INTS1: variants seen among roughly 807,000 people sequenced by gnomAD.
The protein encoded by INTS1 is integrator complex subunit 1.
In INTS1, 137 loss-of-function variants were observed where a neutral mutation model predicts 241.6. The ratio of observed to expected loss-of-function variants is 0.57; its 90% confidence interval spans 0.49 to 0.65. The LOEUF is 0.65. INTS1 is among the 30% of genes least tolerant of loss of function. The probability of loss-of-function intolerance (pLI) is 0.00; values close to 1 mark genes in which losing one functional copy is unlikely to be tolerated. For synonymous variants in INTS1, 1,692 were observed against 1,337.8 expected (o/e 1.26, Z -5.78); for missense variants, 3,073 against 3,032.2 (o/e 1.01, Z -0.32).
At chr7:1,488,773 G>A (rs1782403256) in intron 18 of INTS1, among the ~76,000 whole-genome samples, 1 of 152,200 alleles carries the variant, frequency 6.6e-6, no homozygotes, top group Admixed American at 6.5e-5. Context: ...GAGCTCATCG[G>A]CCCTCGCCCA....
At chr7:1,488,593 A>G (rs1036632191) in intron 18 of INTS1, among the ~76,000 whole-genome samples, 2 of 151,990 alleles carry the variant, frequency 1.3e-5, no homozygotes, top group African/African-American at 4.8e-5. Context: ...TCACAGTGCA[A>G]CGGCCCCAAA....
Position 1,484,161 on chromosome 7 carries a change from G to C in INTS1, c.3271C>G (p.Arg1091Gly). Residue 1091 changes from arginine (R) to glycine (G), a missense_variant, in exon 25 of 48, where the codon CGG (arginine) becomes GGG (glycine). Transcript: ENST00000404767. Reference protein sequence around the residue: ...QHSDLALDVARLVVERSTIMS... With the variant: ...QHSDLALDVAGLVVERSTIMS... ...ATGGTGGAGCGCTCCACGACCAGCC[G>C]GGCCACGTCCTGGTGTGTGGACAGG... 1 of 1,610,090 alleles carries C rather than the reference G, an allele frequency of 6.2e-7. No individual in the cohort carries two copies. Among genetic ancestry groups the C allele is most frequent in the Non-Finnish European group, 8.5e-7 (1 of 1,179,012 alleles).
intron 42 of INTS1, 116 bp downstream of exon 42, chr7:1,473,450 C>A (rs1325903562): frequency 9.8e-6 from 13 of 1,319,902 alleles, no homozygotes; most frequent in Non-Finnish European, 1.3e-5. Flanking sequence ...CAGCAGCCCT[C>A]CCCGGCCTCA....
chr7:1,500,314 G>A lies in INTS1; in HGVS notation c.402C>T (p.Asn134=), dbSNP rs925067617. Residue 134 remains asparagine (N), a synonymous_variant, in exon 4 of 48, where the codon AAC becomes AAT. Transcript: ENST00000404767. Reference sequence around the variant, plus strand: ...ACAGCACGCCCTCGATCCTGTCATCGTTGCCCTCCAGCTCGGCCGCCTCGA... The same window carrying A: ...ACAGCACGCCCTCGATCCTGTCATCATTGCCCTCCAGCTCGGCCGCCTCGA... ...DEIEAAELEG[N]DDRIEGVLCG... is the part of the protein sequence containing the mutation. 7 of 1,592,928 alleles carry A rather than the reference G, an allele frequency of 4.4e-6. No homozygotes were observed. Among genetic ancestry groups the A allele is most frequent in the South Asian group, 1.1e-5 (1 of 88,704 alleles).
intron 31 of INTS1, 91 bp from the exon 32 acceptor site, chr7:1,478,976 G>A: frequency 1.4e-6 from 2 of 1,395,072 alleles, no homozygotes; most frequent in Non-Finnish European, 1.9e-6. Context: ...TGAGGCTGCT[G>A]AGACCTGCCG....
chr7:1,496,456 G>A (rs912659822), intron 11 of INTS1, among the ~76,000 whole-genome samples, 192 bp from the exon 12 acceptor site: 1 of 150,504 alleles, frequency 6.6e-6, no homozygotes, highest in Non-Finnish European at 1.5e-5. Context: ...CCACGTGGGC[G>A]CGGCACGGGG....
intron 22 of INTS1, among the ~76,000 whole-genome samples, chr7:1,485,686 T>C (rs559653223): frequency 3.3e-5 from 5 of 152,292 alleles, no homozygotes; most frequent in South Asian, 4.1e-4. Context: ...GACCCTCCCG[T>C]CACCAGCAAG....
At chr7:1,478,950 C>A in intron 31 of INTS1, 65 bp from the exon 32 acceptor site, 2 of 1,519,984 alleles carry the variant, frequency 1.3e-6, no homozygotes, top group Non-Finnish European at 1.8e-6. Context: ...GCACCCGAGG[C>A]CCAGAGCAGG....
At position 1,504,186 on chromosome 7, in the gene INTS1, G is replaced by T. The variant is rs1342124618; in HGVS notation, c.-42+137C>A. The stretch of plus-strand genomic sequence containing the variant: ...CCAGCCGCCCGGGAGCGGCTCAGTC[G>T]GGCGGCAGCAGGCGACGCGGACGCC... On this transcript the variant is annotated intron_variant, in intron 1 of 47. Coordinates refer to ENST00000404767, the MANE Select transcript of INTS1 (RefSeq NM_001080453.3). The T allele has an allele frequency of 5.6e-6, 3 of 536,966 alleles. No individual in the cohort carries two copies. The Admixed American group carries it at 1.2e-4, about 22-fold the overall frequency. 33.3% of individuals were successfully genotyped at this position (536,966 alleles called of 1,614,324 possible).
In INTS1 at chr7:1,481,535, C is replaced by T. The variant is rs1478827704; in HGVS notation, c.3704-47G>A. The T allele has an allele frequency of 5.1e-6, 8 of 1,556,322 alleles. No individual in the cohort carries two copies. The highest frequency in any genetic ancestry group is 2.7e-5 in the African/African-American group (2 of 74,112). ...AACGCCACCCAAAACCCGGGCAATG[C>T]GCACTCGGGACCCCACCCGAGACCT... On this transcript the variant is annotated intron_variant, in intron 27 of 47. Coordinates refer to ENST00000404767, the MANE Select transcript of INTS1 (RefSeq NM_001080453.3). This position sits in a 1 kb window ranked among gnomAD's most constrained non-coding sequence, Gnocchi z 6.8.
rs1199124081 is a variant in INTS1, at chr7:1,500,084, G to A, written c.547-63C>T. The A allele has an allele frequency of 1.9e-6, 3 of 1,596,566 alleles. No homozygotes were observed. In the East Asian group the frequency reaches 6.7e-5, roughly 36 times the overall value. Reference sequence around the variant, plus strand: ...GGCCCCAGAGGCAAAGCTGGGGTGGGCCGGGAGGGACACTTAAGGGGGAGG... The same window carrying A: ...GGCCCCAGAGGCAAAGCTGGGGTGGACCGGGAGGGACACTTAAGGGGGAGG... On this transcript the variant is annotated intron_variant, in intron 4 of 47. Coordinates refer to ENST00000404767, the MANE Select transcript of INTS1 (RefSeq NM_001080453.3).
Position 1,501,626 on chromosome 7 carries a change from G to C in INTS1, c.350-1260C>G, listed in dbSNP as rs371393155. On this transcript the variant is annotated intron_variant, in intron 3 of 47. Transcript: ENST00000404767. ...TAGTGCTAAAGATAAATAAAGCACC[G>C]AGCCGCCGGCGGCCGAGAGCCCGGG... is the stretch of plus-strand genomic sequence containing the variant. 4.2e-4 allele frequency among the ~76,000 whole-genome samples: 64 copies of C among 152,170 alleles called. No individual in the cohort carries two copies. In the South Asian group the frequency reaches 0.012, roughly 28 times the overall value.
At position 1,497,887 on chromosome 7, in the gene INTS1, G is replaced by C. The variant is rs1782939030; in HGVS notation, c.1425+525C>G. On this transcript the variant is annotated intron_variant, in intron 10 of 47. Transcript: ENST00000404767. The surrounding 1 kb of genome is among the most constrained non-coding windows in gnomAD (Gnocchi z 5.3). ...AGGGTCCTACAGCCAGGGCTACAGGGACCCCTGCTTAACCGAGGGACCCAA... is the reference window on the plus strand; with the variant it reads ...AGGGTCCTACAGCCAGGGCTACAGGCACCCCTGCTTAACCGAGGGACCCAA... 6.6e-6 allele frequency among the ~76,000 whole-genome samples: 1 copy of C among 152,198 alleles called. No individual in the cohort carries two copies. The highest frequency in any genetic ancestry group is 1.5e-5 in the Non-Finnish European group (1 of 68,034).
rs763141432 is a variant in INTS1, at chr7:1,494,799, G to A, written c.1910+17C>T. 27 of 1,553,986 alleles carry A rather than the reference G, an allele frequency of 1.7e-5. No homozygotes were observed. In the South Asian group the frequency reaches 2.7e-4, roughly 16 times the overall value. On this transcript the variant is annotated intron_variant, in intron 14 of 47. Coordinates refer to ENST00000404767, the MANE Select transcript of INTS1 (RefSeq NM_001080453.3). ...CCCAGCCCGGCACACAGGAGCCCCA[G>A]GCGGCAGCGCACTCACTTGCGGTCA...
At chr7:1,490,247 G>A (rs1782481694) in intron 16 of INTS1, among the ~76,000 whole-genome samples, 2 of 152,222 alleles carry the variant, frequency 1.3e-5, no homozygotes, top group African/African-American at 2.4e-5. Context: ...TGCAGTGCGG[G>A]ATTCCGAAGT....
In INTS1 at chr7:1,481,510, A is replaced by C; in HGVS notation, c.3704-22T>G. 6.3e-7 allele frequency: 1 copy of C among 1,588,120 alleles called. No individual in the cohort carries two copies. The highest frequency in any genetic ancestry group is 1.3e-5 in the African/African-American group (1 of 74,560). ...AGGGCTGAGGGTGCACGCGCTCCGT[A>C]ACGCCACCCAAAACCCGGGCAATGC... On this transcript the variant is annotated intron_variant, in intron 27 of 47. Coordinates refer to ENST00000404767, the MANE Select transcript of INTS1 (RefSeq NM_001080453.3). This position sits in a 1 kb window ranked among gnomAD's most constrained non-coding sequence, Gnocchi z 6.8.
At chr7:1,494,269 T>C (rs1466764175) in intron 14 of INTS1, among the ~76,000 whole-genome samples, 2 of 152,146 alleles carry the variant, frequency 1.3e-5, no homozygotes, top group Non-Finnish European at 2.9e-5. Flanking sequence ...AGATAACCCC[T>C]ACACCTCCAA....
rs373234485 is a variant in INTS1, at chr7:1,492,979, G to A, written c.2165+31C>T. On this transcript the variant is annotated intron_variant, in intron 16 of 47. Transcript: ENST00000404767. ...GGGGAGCGGGGCGCGGGCTTACCCG[G>A]GCGGGAGTGGGGAGCGGGGCGTGGG... The A allele has an allele frequency of 2.9e-5, 46 of 1,559,982 alleles. No individual in the cohort carries two copies. The African/African-American group carries it at 5.6e-4, about 19-fold the overall frequency.
chr7:1,501,681 A>G (rs988331513), intron 3 of INTS1, among the ~76,000 whole-genome samples: 1 of 152,110 alleles, frequency 6.6e-6, no homozygotes, highest in African/African-American at 2.4e-5. Context: ...CTCTGTCTTC[A>G]ATCCCCACCG....
Sources: gnomAD v4.1 joint callset for allele counts (sites outside exome capture counted in the v4.1 genomes callset) on GRCh38, gnomAD v4.1.1 for gene constraint, Gnocchi (gnomAD v3.1) non-coding constraint, MANE v1.5 for transcripts, NCBI Gene and HGNC (gene_info 2026-07-23, HGNC 2026-07-21) for gene names.